The following TEX26 variants were observed in gnomAD, a reference collection of about 807,000 sequenced individuals.
TEX26 encodes testis-expressed protein 26.
A neutral mutation model predicts 35.3 loss-of-function variants in TEX26; 34 were observed. That is an observed-to-expected ratio of 0.96 (90% CI 0.73 to 1.28). TEX26 has a LOEUF of 1.28. Ranked by LOEUF, TEX26 falls within the 50% of genes most tolerant of loss-of-function variation. The pLI, the probability that TEX26 is intolerant of heterozygous loss-of-function variation, is 0.00. For synonymous variants in TEX26, 136 were observed against 111.8 expected (o/e 1.22, Z -1.36); for missense variants, 371 against 330.1 (o/e 1.12, Z -0.96).
intron 1 of TEX26, among the ~76,000 whole-genome samples, chr13:30,938,680 T>C (rs1314752812): frequency 1.3e-5 from 2 of 152,178 alleles, no homozygotes; most frequent in South Asian, 2.1e-4. Context: ...ATTCAAACAA[T>C]AGCACTACCA....
intron 2 of TEX26, among the ~76,000 whole-genome samples, chr13:30,948,583 G>A (rs1209529500): frequency 6.6e-6 from 1 of 152,012 alleles, no homozygotes; most frequent in Non-Finnish European, 1.5e-5. Context: ...TTGTTGATGG[G>A]GTTGTTTGTT....
intron 1 of TEX26, 47 bp downstream of exon 1, chr13:30,932,823 T>G: frequency 6.3e-7 from 1 of 1,597,104 alleles, no homozygotes; most frequent in Non-Finnish European, 8.5e-7. Flanking sequence ...CTGGGGTCTT[T>G]CCCGGGGAAA....
Position 30,932,675 on chromosome 13 carries a change from A to T in TEX26, c.-41A>T. 6.2e-7 allele frequency: 1 copy of T among 1,603,482 alleles called. No homozygotes were observed. The highest frequency in any genetic ancestry group is 8.5e-7 in the Non-Finnish European group (1 of 1,175,602). ...GCCCGCGGCTCCCGCAAGCGCTGAG[A>T]TAGCTGGAGCCAGGGCCCCGCGGCC... is the stretch of plus-strand genomic sequence containing the variant. On this transcript the variant is annotated 5_prime_UTR_variant, in exon 1 of 7. Transcript: ENST00000380473.
rs138152847 is a variant in TEX26 at position 30,941,782 on chromosome 13, C to T, written c.146+2004C>T. 8.3e-4 allele frequency among the ~76,000 whole-genome samples: 126 copies of T among 152,196 alleles called. 1 individual carries two copies. In the Middle Eastern group the frequency reaches 0.01, roughly 12 times the overall value. ...CCATTCCTGCATTCCTGAGTTACTT[C>T]GCTTAGAATAATGGCCTCCAGCTCC... On this transcript the variant is annotated intron_variant, in intron 2 of 6. Coordinates refer to ENST00000380473, the MANE Select transcript of TEX26 (RefSeq NM_152325.3).
chr13:30,960,602 T>C (rs115250815), intron 4 of TEX26, among the ~76,000 whole-genome samples: 3,918 of 152,316 alleles, frequency 0.026, 161 homozygotes, highest in African/African-American at 0.088. Context: ...AGGTCTCATA[T>C]TTTTAATTTC....
At chr13:30,935,635 G>C (rs1953245803) in intron 1 of TEX26, among the ~76,000 whole-genome samples, 1 of 152,242 alleles carries the variant, frequency 6.6e-6, no homozygotes, top group Admixed American at 6.5e-5. Flanking sequence ...TCTCTGCTGA[G>C]AGCTTCAGAG....
intron 6 of TEX26, among the ~76,000 whole-genome samples, chr13:30,970,900 C>T (rs1318464825): frequency 6.6e-6 from 1 of 152,180 alleles, no homozygotes; most frequent in Non-Finnish European, 1.5e-5. Flanking sequence ...GTTTTCCTCC[C>T]CAGACAGGTG....
chr13:30,952,263 G>T, intron 2 of TEX26, among the ~76,000 whole-genome samples: 1 of 151,382 alleles, frequency 6.6e-6, no homozygotes. Context: ...TTTCATTATG[G>T]GCTTGAAACT....
At chr13:30,942,880 T>G (rs1415905705) in intron 2 of TEX26, among the ~76,000 whole-genome samples, 2 of 152,166 alleles carry the variant, frequency 1.3e-5, no homozygotes, top group Non-Finnish European at 2.9e-5. Flanking sequence ...CATGCTCTTT[T>G]GGTAACTATA....
At chr13:30,970,461 C>T (rs1954676951) in intron 6 of TEX26, among the ~76,000 whole-genome samples, 1 of 152,202 alleles carries the variant, frequency 6.6e-6, no homozygotes, top group African/African-American at 2.4e-5. Flanking sequence ...TCCTAAGGCT[C>T]TGCTGGCTCA....
intron 4 of TEX26, among the ~76,000 whole-genome samples, chr13:30,958,350 C>T (rs944708013): frequency 5.3e-5 from 8 of 152,324 alleles, no homozygotes; most frequent in Middle Eastern, 3.4e-3. Context: ...TATTTTTAGA[C>T]GCACAGACGG....
intron 2 of TEX26, among the ~76,000 whole-genome samples, chr13:30,945,413 A>G (rs1186392328): frequency 6.6e-6 from 1 of 151,720 alleles, no homozygotes; most frequent in African/African-American, 2.4e-5. Flanking sequence ...CCATTCTGCC[A>G]ATCTATTAAG....
chr13:30,938,253 C>T lies in TEX26; in HGVS notation c.62-1441C>T, dbSNP rs755844117. 3.3e-5 allele frequency among the ~76,000 whole-genome samples: 5 copies of T among 152,106 alleles called. No individual in the cohort carries two copies. In the East Asian group the frequency reaches 7.7e-4, roughly 23 times the overall value. ...ATTCCTGAGAAATTTGGTGGTACTT[C>T]GTTGACAATGGGAAGTTGGGGCAAA... On this transcript the variant is annotated intron_variant, in intron 1 of 6. Coordinates refer to ENST00000380473, the MANE Select transcript of TEX26 (RefSeq NM_152325.3).
At chr13:30,974,805 T>TA in intron 6 of TEX26, 41 bp from the exon 7 acceptor site, 1 of 1,505,622 alleles carries the variant, frequency 6.6e-7, no homozygotes, top group Non-Finnish European at 8.9e-7. Flanking sequence ...TTTAAATACT[T>TA]ACGTGAAAAT....
chr13:30,969,242 G>A (rs1024134216), intron 6 of TEX26, among the ~76,000 whole-genome samples, 196 bp downstream of exon 6: 1 of 151,254 alleles, frequency 6.6e-6, no homozygotes, highest in Non-Finnish European at 1.5e-5. Context: ...GAGGCCCAGT[G>A]ACTATATCCC....
intron 2 of TEX26, among the ~76,000 whole-genome samples, chr13:30,947,953 T>C (rs1252715743): frequency 1.6e-4 from 24 of 152,064 alleles, no homozygotes; most frequent in Admixed American, 1.2e-3. Context: ...TGTGTTCTCA[T>C]TGTTCAATTC....
chr13:30,942,886 C>G (rs971002851), intron 2 of TEX26, among the ~76,000 whole-genome samples: 7 of 152,126 alleles, frequency 4.6e-5, no homozygotes, highest in Admixed American at 3.3e-4. Context: ...CTTTTGGTAA[C>G]TATAGCCTTG....
chr13:30,948,379 G>C (rs1414084985), intron 2 of TEX26, among the ~76,000 whole-genome samples: 6 of 151,996 alleles, frequency 3.9e-5, no homozygotes, highest in East Asian at 1.9e-4. Flanking sequence ...GTTCCTATTT[G>C]TCCACATCCT....
intron 3 of TEX26, among the ~76,000 whole-genome samples, chr13:30,956,494 G>A (rs1443783721): frequency 6.6e-6 from 1 of 152,136 alleles, no homozygotes; most frequent in Non-Finnish European, 1.5e-5. Flanking sequence ...TGCATGTAAG[G>A]CAGAGTTTTC....
Sources: gnomAD v4.1 joint callset for allele counts (sites outside exome capture counted in the v4.1 genomes callset) on GRCh38, gnomAD v4.1.1 for gene constraint, MANE v1.5 for transcripts, NCBI Gene and HGNC (gene_info 2026-07-23, HGNC 2026-07-21) for gene names.